Variants in HOOK3 observed in about 807,000 individuals in gnomAD.
The protein encoded by HOOK3 is hook microtubule tethering protein 3, also known as protein Hook homolog 3.
In HOOK3, 24 loss-of-function variants were observed where a neutral mutation model predicts 116.3. That is an observed-to-expected ratio of 0.21 (90% CI 0.15 to 0.29). HOOK3 has a LOEUF of 0.29. Ranked by LOEUF, HOOK3 falls within the 10% of genes least tolerant of loss-of-function variation. The probability of loss-of-function intolerance (pLI) is 1.00; values close to 1 mark genes in which losing one functional copy is unlikely to be tolerated. For synonymous variants in HOOK3, 275 were observed against 283.0 expected, an observed-to-expected ratio of 0.97 and a Z score of 0.28; for missense variants, 632 against 830.2, an observed-to-expected ratio of 0.76 and a Z score of 2.93.
In HOOK3 at chr8:43,020,294, T is replaced by C. The variant is rs1809799354; in HGVS notation, c.*1796T>C. On this transcript the variant is annotated 3_prime_UTR_variant, in exon 22 of 22. Transcript: ENST00000307602. ...GAGATAGCCATGAGTAGAACTGCTG[T>C]AGGGCTTCAGGAGGCTACGCAGACC... 5.0e-6 allele frequency: 1 copy of C among 200,340 alleles called. No homozygotes were observed. The highest frequency in any genetic ancestry group is 6.0e-5 in the Admixed American group (1 of 16,624). The allele number at this position is 200,340 out of a possible 1,614,324, so 12.4% of individuals were successfully genotyped here. A position where few individuals can be genotyped will look rare whatever the true frequency, so the allele number is the denominator to read the frequency against.
chr8:42,996,894 CTTTTTTTTTTTTTTT>C (rs60094537), intron 15 of HOOK3, among the ~76,000 whole-genome samples: 1 of 77,868 alleles, frequency 1.3e-5, no homozygotes, highest in African/African-American at 4.5e-5. Flanking sequence ...GGGCAGGGAT[CTTTTTTTTTTTTTTT>C]TTTTTTTTTT....
At chr8:43,001,561 T>TA (rs34770572) in intron 16 of HOOK3, among the ~76,000 whole-genome samples, 1 of 151,978 alleles carries the variant, frequency 6.6e-6, no homozygotes, top group Non-Finnish European at 1.5e-5. Context: ...TTTTTTTTTT[T>TA]ACCCAGTGAA....
Position 42,986,659 on chromosome 8 carries a change from A to G in HOOK3, c.1396A>G (p.Lys466Glu). 6.2e-7 allele frequency: 1 copy of G among 1,609,730 alleles called. No homozygotes were observed. The highest frequency in any genetic ancestry group is 8.5e-7 in the Non-Finnish European group (1 of 1,178,342). The change falls in exon 15 of 22, where the codon AAA becomes GAA. Residue 466 changes from lysine to glutamate, a missense_variant. This residue lies in a region of HOOK3 where 483 missense variants were observed against 648.1 expected (regional missense o/e 0.75). Coordinates refer to ENST00000307602, the MANE Select transcript of HOOK3 (RefSeq NM_032410.4). Reference sequence around the variant, plus strand: ...GTTTTTATTTTGTTCATTCAGGGAGAAACTTATTCGTCTTCAGCATGAGAA... The same window carrying G: ...GTTTTTATTTTGTTCATTCAGGGAGGAACTTATTCGTCTTCAGCATGAGAA... Reference protein sequence around the residue: ...AEIVTPEIREKLIRLQHENKM... With the variant: ...AEIVTPEIREELIRLQHENKM...
At chr8:42,969,324 T>C (rs1187620696) in intron 11 of HOOK3, among the ~76,000 whole-genome samples, 1 of 152,196 alleles carries the variant, frequency 6.6e-6, no homozygotes, top group African/African-American at 2.4e-5. Context: ...GCACACAGTA[T>C]TGGCAAACTA....
chr8:43,018,245 T>C (rs922868740), intron 21 of HOOK3, 113 bp from the exon 22 acceptor site: 8 of 977,762 alleles, frequency 8.2e-6, no homozygotes, highest in Middle Eastern at 2.3e-4. Flanking sequence ...GTATTAACAT[T>C]CCTAATTGTG....
intron 1 of HOOK3, among the ~76,000 whole-genome samples, chr8:42,904,532 T>C (rs954170478): frequency 3.3e-5 from 5 of 152,136 alleles, no homozygotes; most frequent in Non-Finnish European, 5.9e-5. Flanking sequence ...AGGATGGTTC[T>C]GATCTCCAGA....
At chr8:43,005,183 C>CTG (rs1809455923) in intron 17 of HOOK3, among the ~76,000 whole-genome samples, 1 of 36,664 alleles carries the variant, frequency 2.7e-5, no homozygotes, top group Admixed American at 3.5e-4. Flanking sequence ...ATTAAGTGCT[C>CTG]TCTCTCTCTC....
intron 13 of HOOK3, 104 bp downstream of exon 13, chr8:42,974,298 C>T: frequency 1.3e-6 from 1 of 752,510 alleles, no homozygotes; most frequent in Non-Finnish European, 2.3e-6. Flanking sequence ...TGTCTTGGCT[C>T]ACTGCAACCT....
chr8:42,930,739 C>G (rs892397536), intron 4 of HOOK3, among the ~76,000 whole-genome samples: 76 of 152,280 alleles, frequency 5.0e-4, no homozygotes, highest in African/African-American at 1.8e-3. Flanking sequence ...CTGATCTTCC[C>G]CATCTCAGTA....
At chr8:42,995,911 C>A (rs1391742229) in intron 15 of HOOK3, among the ~76,000 whole-genome samples, 1 of 152,034 alleles carries the variant, frequency 6.6e-6, no homozygotes, top group Non-Finnish European at 1.5e-5. Flanking sequence ...ATCTTCATGC[C>A]TGCTCTTGAA....
rs1228817294 is a variant in HOOK3 at position 43,021,093 on chromosome 8, C to A, written c.*2595C>A. ...CCCCAGCCTGGCGACAAGAGCGAAA[C>A]TCTGTCGCAAGAAAAAAAAAAAAAA... On this transcript the variant is annotated 3_prime_UTR_variant, in exon 22 of 22. Coordinates refer to ENST00000307602, the MANE Select transcript of HOOK3 (RefSeq NM_032410.4). The A allele has an allele frequency of 8.6e-6, 1 of 116,818 alleles. No homozygotes were observed. Among genetic ancestry groups the A allele is most frequent in the Non-Finnish European group, 1.6e-5 (1 of 61,718 alleles). The allele number at this position is 116,818 out of a possible 1,614,324, so 7.2% of individuals were successfully genotyped here.
intron 1 of HOOK3, among the ~76,000 whole-genome samples, chr8:42,899,519 T>C (rs1273524050): frequency 6.6e-6 from 1 of 152,216 alleles, no homozygotes; most frequent in Non-Finnish European, 1.5e-5. Flanking sequence ...GCAGAATAAA[T>C]GTTTCAATGA....
Position 42,982,711 on chromosome 8 carries a change from G to A in HOOK3, c.1391+15G>A, listed in dbSNP as rs369775982. ...CCTGAAATCAGGTAAGGAGATTGTG[G>A]TGTTCACACTTACACTGCACAGTAT... On this transcript the variant is annotated intron_variant, in intron 14 of 21. Coordinates refer to ENST00000307602, the MANE Select transcript of HOOK3 (RefSeq NM_032410.4). 2 of 1,562,764 alleles carry A rather than the reference G, an allele frequency of 1.3e-6. No homozygotes were observed. The highest frequency in any genetic ancestry group is 1.1e-5 in the South Asian group (1 of 90,018).
chr8:42,984,317 G>A (rs1045336974), intron 14 of HOOK3, among the ~76,000 whole-genome samples: 2 of 150,426 alleles, frequency 1.3e-5, no homozygotes, highest in African/African-American at 2.5e-5. Flanking sequence ...GCGGTGAGCC[G>A]AGATCGCGCC....
At chr8:42,959,139 A>AG (rs1491215935) in intron 7 of HOOK3, 92 bp from the exon 8 acceptor site, 5 of 756,976 alleles carry the variant, frequency 6.6e-6, no homozygotes, top group Non-Finnish European at 1.1e-5. Flanking sequence ...CAGGAAAGAC[A>AG]GGGGGGAGAT....
At chr8:42,983,484 CATTT>C (rs1286855997) in intron 14 of HOOK3, among the ~76,000 whole-genome samples, 1 of 151,816 alleles carries the variant, frequency 6.6e-6, no homozygotes, top group Non-Finnish European at 1.5e-5. Context: ...TTAAAAATTC[CATTT>C]ATTTATTTAT....
chr8:42,914,611 G>A (rs967033443), intron 2 of HOOK3, among the ~76,000 whole-genome samples: 1 of 152,072 alleles, frequency 6.6e-6, no homozygotes, highest in East Asian at 1.9e-4. Context: ...GAGATTCCAT[G>A]GCCAATCATA....
chr8:43,011,927 G>A (rs1000889911), intron 19 of HOOK3, among the ~76,000 whole-genome samples: 5 of 152,044 alleles, frequency 3.3e-5, no homozygotes, highest in African/African-American at 1.2e-4. Flanking sequence ...GAAGTAAAAA[G>A]ACCTTTCCCA....
At chr8:42,947,022 G>A (rs955686442) in intron 5 of HOOK3, among the ~76,000 whole-genome samples, 1 of 152,016 alleles carries the variant, frequency 6.6e-6, no homozygotes, top group Non-Finnish European at 1.5e-5. Flanking sequence ...GCCTGCCTCG[G>A]CCTCCCAAAG....
Sources: gnomAD v4.1 joint callset for allele counts (sites outside exome capture counted in the v4.1 genomes callset) on GRCh38, gnomAD v4.1.1 for gene constraint, gnomAD v4.1.1 regional missense constraint, MANE v1.5 for transcripts, NCBI Gene and HGNC (gene_info 2026-07-23, HGNC 2026-07-21) for gene names.